SGCZ: variants seen among roughly 807,000 people sequenced by gnomAD.
The protein encoded by SGCZ is zeta-sarcoglycan.
SGCZ carries 40 observed loss-of-function variants against 41.3 expected under a neutral mutation model. The observed-to-expected ratio is 0.97, with a 90% CI of 0.75 to 1.26. SGCZ has a LOEUF of 1.26. Ranked by LOEUF, SGCZ falls within the 50% of genes most tolerant of loss-of-function variation. SGCZ has a pLI of 0.00. For synonymous variants in SGCZ, 206 were observed against 137.5 expected, an observed-to-expected ratio of 1.50 and a Z score of -3.49; for missense variants, 552 against 369.8, an observed-to-expected ratio of 1.49 and a Z score of -4.04.
intron 1 of SGCZ, among the ~76,000 whole-genome samples, chr8:14,980,492 C>A (rs966471413): frequency 6.6e-6 from 1 of 152,020 alleles, no homozygotes; most frequent in Non-Finnish European, 1.5e-5. Flanking sequence ...AAGACATAAC[C>A]GAGACTGGTC....
intron 1 of SGCZ, among the ~76,000 whole-genome samples, chr8:15,186,343 C>G (rs898035202): frequency 5.0e-5 from 7 of 138,732 alleles, no homozygotes; most frequent in African/African-American, 1.9e-4. Flanking sequence ...GAAATAGTCT[C>G]CAAATATAAC....
intron 1 of SGCZ, among the ~76,000 whole-genome samples, chr8:14,651,920 T>G (rs1807412677): frequency 6.6e-6 from 1 of 151,788 alleles, no homozygotes; most frequent in Admixed American, 6.6e-5. Flanking sequence ...AAGTATATCT[T>G]TGTGCTAAGA....
intron 1 of SGCZ, among the ~76,000 whole-genome samples, chr8:14,626,610 G>A (rs921105267): frequency 6.6e-6 from 1 of 151,972 alleles, no homozygotes; most frequent in Non-Finnish European, 1.5e-5. Context: ...ATGACTGACT[G>A]GTGTCCTCAT....
intron 2 of SGCZ, among the ~76,000 whole-genome samples, chr8:14,498,921 G>A (rs1431275000): frequency 6.6e-6 from 1 of 150,474 alleles, no homozygotes; most frequent in East Asian, 1.9e-4. Flanking sequence ...TTTTTTTCAT[G>A]AAGAATTCTT....
intron 2 of SGCZ, among the ~76,000 whole-genome samples, chr8:14,553,702 C>T (rs182735782): frequency 1.3e-5 from 2 of 151,968 alleles, no homozygotes; most frequent in East Asian, 1.9e-4. Flanking sequence ...ATTGTGTTTC[C>T]GAGTTAGAAT....
chr8:15,052,545 C>T (rs1419825310), intron 1 of SGCZ, among the ~76,000 whole-genome samples: 3 of 152,050 alleles, frequency 2.0e-5, no homozygotes, highest in African/African-American at 7.2e-5. Flanking sequence ...TCTAACGCTC[C>T]TTCCTTGAGG....
At chr8:14,509,324 T>C (rs749199154) in intron 2 of SGCZ, among the ~76,000 whole-genome samples, 1 of 152,174 alleles carries the variant, frequency 6.6e-6, no homozygotes. Context: ...ATAAAAACAT[T>C]ATATGATCAA....
At chr8:14,815,754 G>A (rs1406740517) in intron 1 of SGCZ, among the ~76,000 whole-genome samples, 1 of 152,094 alleles carries the variant, frequency 6.6e-6, no homozygotes. Flanking sequence ...TTACAAATGA[G>A]GGCAATCTAT....
rs191027491 is a variant in SGCZ, at chr8:14,767,761, C to T, written c.40-212835G>A. On this transcript the variant is annotated intron_variant, in intron 1 of 7. Transcript: ENST00000382080. ...ACTACCATAGGCTATTTCTGAGACA[C>T]CTCTGTACGCCTTTCAAATTCTGTG... 1.1e-4 allele frequency among the ~76,000 whole-genome samples: 17 copies of T among 152,318 alleles called. No individual in the cohort carries two copies. The East Asian group carries it at 3.3e-3, about 29-fold the overall frequency.
chr8:14,624,353 T>C (rs1422796756), intron 1 of SGCZ, among the ~76,000 whole-genome samples: 1 of 151,996 alleles, frequency 6.6e-6, no homozygotes, highest in Non-Finnish European at 1.5e-5. Context: ...TTAGTTATCA[T>C]CAAATCAAAT....
At chr8:14,440,812 T>C (rs1174342754) in intron 2 of SGCZ, among the ~76,000 whole-genome samples, 1 of 148,746 alleles carries the variant, frequency 6.7e-6, no homozygotes, top group Non-Finnish European at 1.5e-5. Context: ...TATATGTGTA[T>C]ACACATGCAT....
chr8:14,631,245 C>T (rs955213423), intron 1 of SGCZ, among the ~76,000 whole-genome samples: 2 of 151,468 alleles, frequency 1.3e-5, no homozygotes, highest in African/African-American at 4.9e-5. Context: ...AAGTGATCGG[C>T]TAATGTAAAG....
In SGCZ at chr8:14,787,142, C is replaced by G. The variant is rs182716254; in HGVS notation, c.40-232216G>C. On this transcript the variant is annotated intron_variant, in intron 1 of 7. Coordinates refer to ENST00000382080, the MANE Select transcript of SGCZ (RefSeq NM_139167.4). ...TATGACACAGAAGCAACAGAAAGAT[C>G]CCCATGTGCAGAACTGAGAGAAATC... Among the ~76,000 whole-genome samples the G allele has an allele frequency of 7.9e-4, 120 of 152,236 alleles. 1 individual carries two copies. The highest frequency in any genetic ancestry group is 2.8e-3 in the African/African-American group (115 of 41,540).
chr8:14,787,462 A>C (rs2130456575), intron 1 of SGCZ, among the ~76,000 whole-genome samples: 1 of 152,196 alleles, frequency 6.6e-6, no homozygotes, highest in Non-Finnish European at 1.5e-5. Context: ...GTAAAATAAA[A>C]AGTTGTAAAC....
chr8:14,839,229 T>TAGAAAGAGGG (rs1487485573), intron 1 of SGCZ, among the ~76,000 whole-genome samples: 2 of 151,842 alleles, frequency 1.3e-5, no homozygotes, highest in African/African-American at 2.4e-5. Flanking sequence ...ATATGGGGTA[T>TAGAAAGAGGG]AGAAAGAGGG....
chr8:14,575,932 A>AG (rs1483683403), intron 1 of SGCZ, among the ~76,000 whole-genome samples: 114 of 136,396 alleles, frequency 8.4e-4, no homozygotes, highest in Non-Finnish European at 1.5e-3. Flanking sequence ...AAAAAAAAAA[A>AG]AAAGAAAGAA....
intron 3 of SGCZ, among the ~76,000 whole-genome samples, chr8:14,307,824 G>A (rs1801396079): frequency 6.6e-6 from 1 of 152,042 alleles, no homozygotes; most frequent in Non-Finnish European, 1.5e-5. Context: ...TAGGCAAGAT[G>A]GCAAGGGTGA....
At chr8:14,721,208 T>C (rs1809874395) in intron 1 of SGCZ, among the ~76,000 whole-genome samples, 1 of 152,192 alleles carries the variant, frequency 6.6e-6, no homozygotes. Context: ...ACTCATTTAT[T>C]TGGTGATTGC....
chr8:14,115,582 G>C (rs1445042384), intron 5 of SGCZ, among the ~76,000 whole-genome samples: 4 of 151,852 alleles, frequency 2.6e-5, no homozygotes, highest in Admixed American at 2.6e-4. Flanking sequence ...CTTAAGATTT[G>C]GACATTTTAC....
Sources: gnomAD v4.1 joint callset for allele counts (sites outside exome capture counted in the v4.1 genomes callset) on GRCh38, gnomAD v4.1.1 for gene constraint, MANE v1.5 for transcripts, NCBI Gene and HGNC (gene_info 2026-07-23, HGNC 2026-07-21) for gene names.